Variants in CTNNA1 observed in about 807,000 individuals in gnomAD.
The protein encoded by CTNNA1 is catenin alpha 1.
CTNNA1 carries 37 observed loss-of-function variants against 98.4 expected under a neutral mutation model. The ratio of observed to expected loss-of-function variants is 0.38; its 90% CI spans 0.29 to 0.49. The LOEUF (loss-of-function observed/expected upper bound fraction) is 0.49, where lower values mean the gene tolerates loss of function less well. CTNNA1 is among the 20% of genes least tolerant of loss of function. The probability of loss-of-function intolerance (pLI) is 0.95; values close to 1 mark genes in which losing one functional copy is unlikely to be tolerated. For missense variants in CTNNA1, 761 were observed against 1,147.2 expected (o/e 0.66, Z 4.86); for synonymous variants, 404 against 413.2 (o/e 0.98, Z 0.27).
Position 138,874,325 on chromosome 5 carries a change from T to C in CTNNA1, c.1063-11887T>C. ...AAGTTGACTGAAGCTGGCAAATTGA[T>C]CTCTTTCGAGCTCTGTGATGTGATT... On this transcript the variant is annotated intron_variant, in intron 7 of 17. Transcript: ENST00000302763. The surrounding 1 kb of genome is among the most constrained non-coding windows in gnomAD (Gnocchi z 4.1). The C allele has an allele frequency of 6.2e-7, 1 of 1,614,038 alleles. No homozygotes were observed. Among genetic ancestry groups the C allele is most frequent in the Non-Finnish European group, 8.5e-7 (1 of 1,179,908 alleles).
intron 3 of CTNNA1, among the ~76,000 whole-genome samples, chr5:138,795,860 GA>G (rs1561534054): frequency 6.6e-6 from 1 of 151,574 alleles, no homozygotes; most frequent in Non-Finnish European, 1.5e-5. Context: ...AGAGCAAAAA[GA>G]AAAAAAATGA....
intron 7 of CTNNA1, among the ~76,000 whole-genome samples, chr5:138,842,468 T>G (rs1344546468): frequency 6.6e-6 from 1 of 152,210 alleles, no homozygotes; most frequent in Non-Finnish European, 1.5e-5. Flanking sequence ...TTTCTAAAAT[T>G]GGCCATTAAT....
At chr5:138,800,752 G>A (rs1757486840) in intron 3 of CTNNA1, among the ~76,000 whole-genome samples, 2 of 152,066 alleles carry the variant, frequency 1.3e-5, no homozygotes, top group African/African-American at 4.8e-5. Flanking sequence ...GCAGTGAGCT[G>A]AGATCGCGCC....
At chr5:138,829,356 C>T (rs1459692067) in intron 7 of CTNNA1, among the ~76,000 whole-genome samples, 1 of 152,170 alleles carries the variant, frequency 6.6e-6, no homozygotes, top group African/African-American at 2.4e-5. Flanking sequence ...GTAAGTGGAT[C>T]AGTCATCTGC....
At chr5:138,894,828 C>T (rs1049198179) in intron 9 of CTNNA1, among the ~76,000 whole-genome samples, 1 of 152,162 alleles carries the variant, frequency 6.6e-6, no homozygotes, top group African/African-American at 2.4e-5. Flanking sequence ...GTCTCCCTTG[C>T]TGAATGACTT....
chr5:138,931,575 G>A (rs1765337273), intron 16 of CTNNA1: 1 of 983,682 alleles, frequency 1.0e-6, no homozygotes, highest in Non-Finnish European at 1.2e-6. Flanking sequence ...CCACACAATC[G>A]GTAATAGGGC....
At chr5:138,899,655 T>G (rs1351853765) in intron 9 of CTNNA1, among the ~76,000 whole-genome samples, 1 of 152,150 alleles carries the variant, frequency 6.6e-6, no homozygotes, top group Non-Finnish European at 1.5e-5. Context: ...AAAACCCAAG[T>G]TCTCATCATG....
chr5:138,806,115 A>G (rs1758058377), intron 3 of CTNNA1, among the ~76,000 whole-genome samples: 1 of 152,206 alleles, frequency 6.6e-6, no homozygotes, highest in Non-Finnish European at 1.5e-5. Flanking sequence ...CACTTGTCCT[A>G]GCACCATTTG....
Position 138,827,651 on chromosome 5 carries a change from G to A in CTNNA1, c.995G>A (p.Arg332Gln), listed in dbSNP as rs1215333067. ...TGCACGCGTGATGACCGTCGTGAGCGAATTGTGGCAGAGTGTAATGCTGTC... is the reference window on the plus strand; with the variant it reads ...TGCACGCGTGATGACCGTCGTGAGCAAATTGTGGCAGAGTGTAATGCTGTC... ...SSCTRDDRRE[R>Q]IVAECNAVRQ... The change falls in exon 7 of 18, where the codon CGA becomes CAA. Residue 332 changes from arginine (R) to glutamine (Q), a missense_variant. Transcript: ENST00000302763. The A allele has an allele frequency of 1.5e-5, 25 of 1,614,096 alleles. No individual in the cohort carries two copies. Among genetic ancestry groups the A allele is most frequent in the East Asian group, 2.2e-5 (1 of 44,898 alleles).
chr5:138,908,554 A>G (rs2150168324), intron 10 of CTNNA1, among the ~76,000 whole-genome samples: 1 of 150,358 alleles, frequency 6.7e-6, no homozygotes, highest in Non-Finnish European at 1.5e-5. Context: ...AGTCCCAGCT[A>G]CTCAGGAGGC....
chr5:138,925,633 A>G, intron 13 of CTNNA1: 1 of 541,348 alleles, frequency 1.8e-6, no homozygotes, highest in Non-Finnish European at 3.1e-6. Context: ...TGAGTTGACG[A>G]TTTAATTTAG....
At chr5:138,902,644 C>T (rs1459455590) in intron 9 of CTNNA1, among the ~76,000 whole-genome samples, 1 of 152,224 alleles carries the variant, frequency 6.6e-6, no homozygotes, top group Non-Finnish European at 1.5e-5. Context: ...TGGTCTCGAT[C>T]TCCTGACCTC....
At chr5:138,838,434 T>G (rs1761991398) in intron 7 of CTNNA1, among the ~76,000 whole-genome samples, 1 of 152,224 alleles carries the variant, frequency 6.6e-6, no homozygotes, top group Non-Finnish European at 1.5e-5. Context: ...ATAACTATTC[T>G]TGATAATTTG....
intron 2 of CTNNA1, chr5:138,782,430 G>A: frequency 2.6e-6 from 1 of 386,508 alleles, no homozygotes; most frequent in South Asian, 1.9e-5. Flanking sequence ...GTTTAGGTTT[G>A]GTATGCTACA....
chr5:138,763,928 C>T (rs557251405), intron 1 of CTNNA1, among the ~76,000 whole-genome samples: 4 of 152,218 alleles, frequency 2.6e-5, no homozygotes, highest in Non-Finnish European at 5.9e-5. Context: ...CGGTGGCTCA[C>T]GCCTTTAATC....
At chr5:138,807,112 G>A (rs768878806) in intron 3 of CTNNA1, among the ~76,000 whole-genome samples, 1 of 150,870 alleles carries the variant, frequency 6.6e-6, no homozygotes, top group Non-Finnish European at 1.5e-5. Flanking sequence ...CTGGGTTCAA[G>A]TGATTTTCCT....
chr5:138,769,568 T>C (rs1001717967), intron 1 of CTNNA1, among the ~76,000 whole-genome samples: 2 of 151,946 alleles, frequency 1.3e-5, no homozygotes, highest in Admixed American at 1.3e-4. Context: ...GTTTCGCTCT[T>C]GTTGCCCAGG....
At position 138,933,879 on chromosome 5, in the gene CTNNA1, C is replaced by T. The variant is rs768589719; in HGVS notation, c.2511C>T (p.Tyr837=). The change falls in exon 18 of 18, where the codon TAC becomes TAT. Residue 837 remains tyrosine (Y), a synonymous_variant. Coordinates refer to ENST00000302763, the MANE Select transcript of CTNNA1 (RefSeq NM_001903.5). ...NAVVQTVKAS[Y]VASTKYQKSQ... ...TGGTGCAGACAGTGAAGGCATCCTA[C>T]GTCGCCTCTACCAAATACCAAAAGT... is the stretch of plus-strand genomic sequence containing the variant. 27 of 1,614,038 alleles carry T rather than the reference C, an allele frequency of 1.7e-5. No individual in the cohort carries two copies. The East Asian group carries it at 2.0e-4, about 12-fold the overall frequency.
At chr5:138,831,607 A>G (rs1298069762) in intron 7 of CTNNA1, among the ~76,000 whole-genome samples, 2 of 151,208 alleles carry the variant, frequency 1.3e-5, no homozygotes, top group Admixed American at 6.6e-5. Context: ...CAGGCCCCAC[A>G]TTTGTTTTTC....
Sources: allele counts gnomAD v4.1 joint callset (sites outside exome capture counted in the v4.1 genomes callset), GRCh38; gene constraint gnomAD v4.1.1; non-coding constraint Gnocchi (gnomAD v3.1); transcripts MANE v1.5; gene names NCBI Gene and HGNC (gene_info 2026-07-23, HGNC 2026-07-21).